The following OR1F1 variants were observed in gnomAD, a reference collection of about 807,000 sequenced individuals.
OR1F1 encodes olfactory receptor 1F1.
For synonymous variants in OR1F1, 184 were observed against 156.7 expected (o/e 1.17, Z -1.30); for missense variants, 493 against 376.3 (o/e 1.31, Z -2.57).
exon 1 of OR1F1, chr16:3,204,980 T>G: frequency 6.2e-7 from 1 of 1,614,182 alleles, no homozygotes; most frequent in African/African-American, 1.3e-5. Flanking sequence ...GGTTCTCACC[T>G]GGCTGTGGTT....
chr16:3,204,474 C>T, exon 1 of OR1F1: 1 of 1,614,164 alleles, frequency 6.2e-7, no homozygotes, highest in Non-Finnish European at 8.5e-7. Context: ...TCTCCTTCAC[C>T]ACCGTCCCCA....
chr16:3,189,407 C>T, the OR1F1 span, among the ~76,000 whole-genome samples: 1 of 152,192 alleles, frequency 6.6e-6, no homozygotes, highest in Non-Finnish European at 1.5e-5. Flanking sequence ...CGGGCGAGGA[C>T]CCAGGGCCCT....
exon 1 of OR1F1, chr16:3,204,440 A>G (rs1958175850): frequency 1.2e-6 from 2 of 1,613,830 alleles, no homozygotes; most frequent in Admixed American, 1.7e-5. Context: ...TTCCTCAGCA[A>G]CCTGTCTTTT....
the OR1F1 span, among the ~76,000 whole-genome samples, chr16:3,197,025 C>T: frequency 2.0e-5 from 3 of 151,958 alleles, no homozygotes; most frequent in Admixed American, 6.6e-5. Flanking sequence ...TACAGGAGTG[C>T]GCCACTGCAC....
chr16:3,200,706 C>G (rs1035088577), upstream of OR1F1, among the ~76,000 whole-genome samples: 1 of 152,146 alleles, frequency 6.6e-6, no homozygotes, highest in African/African-American at 2.4e-5. Context: ...GGGAAAGTAC[C>G]TACTGAAGAT....
chr16:3,189,624 T>A, the OR1F1 span: 1 of 152,206 alleles, frequency 6.6e-6, no homozygotes, highest in African/African-American at 2.4e-5. Context: ...CCTTAATGCG[T>A]AAATCGTGTG....
rs61731435 is a variant in OR1F1, at chr16:3,204,566, T to C, written c.320T>C (p.Phe107Ser). 710 of 1,614,180 alleles carry C rather than the reference T, an allele frequency of 4.4e-4. 6 individuals are homozygous for C. The African/African-American group carries it at 8.2e-3, about 19-fold the overall frequency. The stretch of plus-strand genomic sequence containing the variant: ...ACACAGATGTATTTCGTTTTCATGT[T>C]CGTGGACATGGACAATTTCCTCCTA... The change falls in exon 1 of 1, where the codon TTC becomes TCC. Residue 107 changes from phenylalanine to serine, a missense_variant. Phe to Ser is a radical substitution (Grantham distance 155). Transcript: ENST00000304646.
exon 1 of OR1F1, chr16:3,205,163 G>A (rs776582334): frequency 6.2e-7 from 1 of 1,610,026 alleles, no homozygotes; most frequent in African/African-American, 1.3e-5. Context: ...AAAGTAGTTG[G>A]CAGGGTGGTG....
At chr16:3,195,331 A>C in the OR1F1 span, among the ~76,000 whole-genome samples, 2 of 152,344 alleles carry the variant, frequency 1.3e-5, no homozygotes, top group South Asian at 2.1e-4. Flanking sequence ...AACAACAAAC[A>C]AACCAAAACA....
the OR1F1 span, among the ~76,000 whole-genome samples, chr16:3,193,742 C>G: frequency 1.3e-5 from 2 of 152,108 alleles, no homozygotes; most frequent in African/African-American, 4.8e-5. Flanking sequence ...GGACTACAGG[C>G]GAGCGCAACC....
At chr16:3,191,862 C>A in the OR1F1 span, among the ~76,000 whole-genome samples, 1 of 152,174 alleles carries the variant, frequency 6.6e-6, no homozygotes, top group Middle Eastern at 3.4e-3. Context: ...GGAGAGGGGC[C>A]GGGGCGCTGG....
rs148405876 is a variant in OR1F1, at chr16:3,204,280, T to C, written c.34T>C (p.Phe12Leu). Residue 12 changes from phenylalanine to leucine, a missense_variant, in exon 1 of 1, where the codon TTC (phenylalanine) becomes CTC (leucine). By Grantham distance (22) the Phe-to-Leu change is conservative (BLOSUM62 0). Coordinates refer to ENST00000304646, the Ensembl canonical transcript of OR1F1. ...GACAAACCAGTCGAGTGTCTCCGAG[T>C]TCCTCCTCCTGGGACTCTCCAGGCA... 7 of 1,612,080 alleles carry C rather than the reference T, an allele frequency of 4.3e-6. No homozygotes were observed. The African/African-American group carries it at 8.0e-5, about 18-fold the overall frequency.
chr16:3,196,687 G>A, the OR1F1 span, among the ~76,000 whole-genome samples: 1 of 150,386 alleles, frequency 6.6e-6, no homozygotes, highest in Admixed American at 6.6e-5. Flanking sequence ...CACGACTGGC[G>A]GTGAAATTAA....
upstream of OR1F1, among the ~76,000 whole-genome samples, chr16:3,202,347 G>A (rs1307665335): frequency 6.6e-6 from 1 of 152,132 alleles, no homozygotes; most frequent in Non-Finnish European, 1.5e-5. Flanking sequence ...TCAGCTCCCT[G>A]AATTTGGTCT....
chr16:3,192,031 A>C, the OR1F1 span, among the ~76,000 whole-genome samples: 1 of 152,032 alleles, frequency 6.6e-6, no homozygotes, highest in Admixed American at 6.6e-5. Context: ...AGGATGCGAG[A>C]GGTCCCGGGT....
At chr16:3,192,144 TCTC>T in the OR1F1 span, among the ~76,000 whole-genome samples, 8 of 152,176 alleles carry the variant, frequency 5.3e-5, no homozygotes, top group African/African-American at 1.9e-4. Flanking sequence ...TGAAGCTCCT[TCTC>T]CTGGGTTCAC....
At chr16:3,191,494 C>T in the OR1F1 span, among the ~76,000 whole-genome samples, 10 of 152,244 alleles carry the variant, frequency 6.6e-5, no homozygotes, top group South Asian at 6.2e-4. Flanking sequence ...AAAACGTTCC[C>T]AGGGAAGCCC....
chr16:3,205,270 A>C, downstream of OR1F1: 1 of 954,654 alleles, frequency 1.0e-6, no homozygotes, highest in Non-Finnish European at 1.6e-6. Context: ...TCATTAAATG[A>C]TGTTCTTGCT....
At chr16:3,188,487 C>T in the OR1F1 span, 1 of 152,262 alleles carries the variant, frequency 6.6e-6, no homozygotes, top group East Asian at 1.9e-4. Flanking sequence ...CAGGTGAGCC[C>T]TCCTCCGCTT....
Sources: gnomAD v4.1 joint callset for allele counts (sites outside exome capture counted in the v4.1 genomes callset) on GRCh38, gnomAD v4.1.1 for gene constraint, MANE v1.5 for transcripts, NCBI Gene and HGNC (gene_info 2026-07-23, HGNC 2026-07-21) for gene names.